The following MMP24 variants were observed in gnomAD, a reference collection of about 807,000 sequenced individuals.
The protein encoded by MMP24 is matrix metallopeptidase 24, also known as matrix metalloproteinase-24.
MMP24 carries 25 observed loss-of-function variants against 62.8 expected under a neutral mutation model. That is an observed-to-expected ratio of 0.40 (90% CI 0.29 to 0.56). The LOEUF is 0.56. Among genes scored for constraint, MMP24 ranks in the 20% least tolerant of loss-of-function variants. MMP24 has a pLI of 0.50. For synonymous variants in MMP24, 319 were observed against 350.5 expected, an observed-to-expected ratio of 0.91 and a Z score of 1.00; for missense variants, 634 against 853.6, an observed-to-expected ratio of 0.74 and a Z score of 3.21.
chr20:35,252,086 G>A, intron 3 of MMP24, 65 bp downstream of exon 3: 1 of 1,317,358 alleles, frequency 7.6e-7, no homozygotes, highest in Non-Finnish European at 1.1e-6. Context: ...TTCCTGGCCT[G>A]AGTTTCAAAG....
rs577779478 is a variant in MMP24, at chr20:35,235,670, C to T, written c.246+8686C>T. The stretch of plus-strand genomic sequence containing the variant: ...CCAAAATCACGCCATTGCACTCCAG[C>T]CTGGGTGACAAGAGCAAGACTATGT... On this transcript the variant is annotated intron_variant, in intron 1 of 8. Coordinates refer to ENST00000246186, the MANE Select transcript of MMP24 (RefSeq NM_006690.4). 3.3e-5 allele frequency among the ~76,000 whole-genome samples: 5 copies of T among 152,242 alleles called. No homozygotes were observed. In the East Asian group the frequency reaches 9.7e-4, roughly 29 times the overall value.
intron 5 of MMP24, among the ~76,000 whole-genome samples, chr20:35,266,882 T>G (rs1600802732): frequency 6.7e-6 from 1 of 148,758 alleles, no homozygotes; most frequent in African/African-American, 2.5e-5. Context: ...ATGAAGGGGG[T>G]GAGGAAGTGG....
intron 5 of MMP24, chr20:35,264,211 C>G (rs1161374067): frequency 3.3e-6 from 1 of 301,964 alleles, no homozygotes; most frequent in East Asian, 6.3e-5. Context: ...CCACCCATTC[C>G]CTCTCCTTTA....
chr20:35,249,306 G>C (rs989407319), intron 2 of MMP24, among the ~76,000 whole-genome samples: 4 of 152,168 alleles, frequency 2.6e-5, no homozygotes, highest in Non-Finnish European at 5.9e-5. Context: ...AAGGAAGCTA[G>C]ATTAGCCATT....
intron 3 of MMP24, among the ~76,000 whole-genome samples, chr20:35,252,382 T>C (rs1394425376): frequency 2.0e-5 from 3 of 152,156 alleles, no homozygotes; most frequent in Admixed American, 6.5e-5. Context: ...ATCATGCCAC[T>C]GCACTCCAGC....
chr20:35,242,720 T>A (rs1258611329), intron 1 of MMP24, among the ~76,000 whole-genome samples: 1 of 152,228 alleles, frequency 6.6e-6, no homozygotes, highest in Non-Finnish European at 1.5e-5. Flanking sequence ...CACCAGGCCC[T>A]ATGCAGTGTC....
At chr20:35,264,809 C>T (rs918023599) in intron 5 of MMP24, among the ~76,000 whole-genome samples, 1 of 149,712 alleles carries the variant, frequency 6.7e-6, no homozygotes, top group African/African-American at 2.4e-5. Context: ...ACACACCTCT[C>T]TCCCAGTTCT....
Position 35,269,822 on chromosome 20 carries a change from G to A in MMP24, c.1257G>A (p.Glu419=), listed in dbSNP as rs1248830881. Residue 419 remains glutamate (E), a synonymous_variant, in exon 7 of 9, where the codon GAG becomes GAA. Coordinates refer to ENST00000246186, the MANE Select transcript of MMP24 (RefSeq NM_006690.4). The surrounding 1 kb of genome is among the most constrained non-coding windows in gnomAD (Gnocchi z 4.6). ...AGGAGGGCTACCCCATGCAGATCGA[G>A]CAGTTCTGGAAGGGCCTGCCTGCCC... ...RVQEGYPMQI[E]QFWKGLPARI... 4 of 1,563,940 alleles carry A rather than the reference G, an allele frequency of 2.6e-6. No individual in the cohort carries two copies. In the East Asian group the frequency reaches 7.2e-5, roughly 28 times the overall value.
chr20:35,271,826 A>C lies in MMP24; in HGVS notation c.1591A>C (p.Lys531Gln). ...GGCTCCCCAAGGAGCCTTCATCAGC[A>C]AGGAAGGATGTACGTAAGGGCCGGG... ...PQAPQGAFIS[K>Q]EGYYTYFYKG... Residue 531 changes from lysine to glutamine, a missense_variant, in exon 8 of 9, where the codon AAG becomes CAG. Transcript: ENST00000246186. This position sits in a 1 kb window ranked among gnomAD's most constrained non-coding sequence, Gnocchi z 4.0. 3 of 1,609,902 alleles carry C rather than the reference A, an allele frequency of 1.9e-6. No individual in the cohort carries two copies. The highest frequency in any genetic ancestry group is 2.5e-6 in the Non-Finnish European group (3 of 1,178,746).
At chr20:35,264,114 C>A (rs1487173384) in intron 5 of MMP24, 162 bp downstream of exon 5, 19 of 806,380 alleles carry the variant, frequency 2.4e-5, no homozygotes, top group Non-Finnish European at 3.1e-5. Flanking sequence ...CTTTGCCTGG[C>A]CAGAGGGCAA....
intron 1 of MMP24, chr20:35,235,989 G>T (rs903242157): frequency 6.6e-6 from 1 of 152,328 alleles, no homozygotes; most frequent in Admixed American, 6.5e-5. Context: ...CCACCTCCCC[G>T]GGTATGGTGA....
intron 4 of MMP24, among the ~76,000 whole-genome samples, chr20:35,260,120 G>A (rs2060594666): frequency 6.6e-6 from 1 of 152,070 alleles, no homozygotes; most frequent in Admixed American, 6.5e-5. Flanking sequence ...TCCTGCCCAT[G>A]GAGCATGGGG....
intron 8 of MMP24, among the ~76,000 whole-genome samples, chr20:35,273,081 A>C (rs1347798897): frequency 1.3e-5 from 2 of 152,200 alleles, no homozygotes; most frequent in African/African-American, 4.8e-5. Context: ...CAGGACTTGC[A>C]GACGTCCAAG....
At chr20:35,239,404 G>C (rs1020811600) in intron 1 of MMP24, among the ~76,000 whole-genome samples, 1 of 152,102 alleles carries the variant, frequency 6.6e-6, no homozygotes, top group Non-Finnish European at 1.5e-5. Context: ...GGACTAGAAT[G>C]TTTTTGTTTG....
chr20:35,235,617 G>GAACCC (rs1445114625), intron 1 of MMP24, among the ~76,000 whole-genome samples: 3 of 152,130 alleles, frequency 2.0e-5, no homozygotes, highest in Admixed American at 1.3e-4. Context: ...AGAATCACTT[G>GAACCC]AACCCGAGAG....
In MMP24 at chr20:35,274,991, C is replaced by A. The variant is rs1306931316; in HGVS notation, c.*382C>A. On this transcript the variant is annotated 3_prime_UTR_variant, in exon 9 of 9. Transcript: ENST00000246186. The surrounding 1 kb of genome is among the most constrained non-coding windows in gnomAD (Gnocchi z 5.1). ...GAACCCAGCACCCTCTGTGGGAAGC[C>A]AGCACTAGCTCTCATCCCCCATCCG... is the stretch of plus-strand genomic sequence containing the variant. 4.4e-6 allele frequency: 1 copy of A among 226,494 alleles called. No individual in the cohort carries two copies. The highest frequency in any genetic ancestry group is 8.8e-6 in the Non-Finnish European group (1 of 114,266). The allele number at this position is 226,494 out of a possible 1,614,324, so 14.0% of individuals were successfully genotyped here.
Position 35,271,480 on chromosome 20 carries a change from C to CA in MMP24, c.1334-88dup, listed in dbSNP as rs2060668613. ...TCTAACTGGGCCAAGGGGCTGAGGG[C>CA]ATCAGACTGTTTTCACCTGACACCC... On this transcript the variant is annotated intron_variant, in intron 7 of 8. Transcript: ENST00000246186. The surrounding 1 kb of genome is among the most constrained non-coding windows in gnomAD (Gnocchi z 4.0). 12 of 1,477,744 alleles carry CA rather than the reference C, an allele frequency of 8.1e-6. No homozygotes were observed. Among genetic ancestry groups the CA allele is most frequent in the Non-Finnish European group, 1.8e-6 (2 of 1,094,596 alleles). The allele number at this position is 1,477,744 out of a possible 1,614,324, so 91.5% of individuals were successfully genotyped here.
intron 8 of MMP24, among the ~76,000 whole-genome samples, chr20:35,273,190 C>T (rs958977549): frequency 2.0e-5 from 3 of 149,192 alleles, no homozygotes; most frequent in East Asian, 2.0e-4. Flanking sequence ...GCCAGGAGTT[C>T]GAGACCAGCC....
At chr20:35,273,985 G>A (rs756444203) in intron 8 of MMP24, among the ~76,000 whole-genome samples, 7 of 152,170 alleles carry the variant, frequency 4.6e-5, no homozygotes, top group Non-Finnish European at 5.9e-5. Context: ...CCAGGCTTGC[G>A]TGCAAGGGGT....
Sources: allele counts gnomAD v4.1 joint callset (sites outside exome capture counted in the v4.1 genomes callset), GRCh38; gene constraint gnomAD v4.1.1; non-coding constraint Gnocchi (gnomAD v3.1); transcripts MANE v1.5; gene names NCBI Gene and HGNC (gene_info 2026-07-23, HGNC 2026-07-21).